Variants in ZEB1 observed in about 807,000 individuals in gnomAD.
The protein encoded by ZEB1 is zinc finger E-box-binding homeobox 1.
In ZEB1, 21 loss-of-function variants were observed where a neutral mutation model predicts 84.9. That is an observed-to-expected ratio of 0.25 (90% CI 0.18 to 0.36). ZEB1 has a LOEUF of 0.36. ZEB1 is among the 10% of genes least tolerant of loss of function. ZEB1 has a pLI of 1.00. For missense variants in ZEB1, 1,104 were observed against 1,330.2 expected (o/e 0.83, Z 2.65); for synonymous variants, 420 against 471.1 (o/e 0.89, Z 1.41).
At chr10:31,379,283 A>G (rs1202691073) in intron 1 of ZEB1, among the ~76,000 whole-genome samples, 1 of 152,030 alleles carries the variant, frequency 6.6e-6, no homozygotes, top group Non-Finnish European at 1.5e-5. Context: ...CCTACTTTGT[A>G]CTGGTTCAGT....
intron 2 of ZEB1, among the ~76,000 whole-genome samples, chr10:31,476,805 A>G (rs1006272015): frequency 6.6e-6 from 1 of 152,098 alleles, no homozygotes; most frequent in Non-Finnish European, 1.5e-5. Context: ...AAAAAGAAAA[A>G]CGATATGATC....
chr10:31,512,948 C>T (rs868059780), intron 5 of ZEB1, among the ~76,000 whole-genome samples: 12 of 151,992 alleles, frequency 7.9e-5, no homozygotes, highest in South Asian at 2.1e-4. Flanking sequence ...CAGCAGAGGC[C>T]AGTGTGAAAG....
intron 1 of ZEB1, among the ~76,000 whole-genome samples, chr10:31,454,211 C>G (rs1038470670): frequency 6.6e-6 from 1 of 152,118 alleles, no homozygotes; most frequent in Non-Finnish European, 1.5e-5. Flanking sequence ...ATTCAACACC[C>G]CTTCATGCTA....
intron 1 of ZEB1, among the ~76,000 whole-genome samples, chr10:31,455,249 T>C (rs766020668): frequency 6.6e-6 from 1 of 152,108 alleles, no homozygotes; most frequent in Admixed American, 6.5e-5. Flanking sequence ...TTACACTTTA[T>C]ACAAAAATCA....
intron 1 of ZEB1, among the ~76,000 whole-genome samples, chr10:31,362,590 G>A (rs1358733216): frequency 2.9e-5 from 4 of 140,254 alleles, no homozygotes; most frequent in South Asian, 4.7e-4. Flanking sequence ...GGCTCTTGTC[G>A]CTTCCCAGAC....
chr10:31,436,378 AC>A (rs1464823003), intron 1 of ZEB1, among the ~76,000 whole-genome samples: 1 of 152,074 alleles, frequency 6.6e-6, no homozygotes, highest in Non-Finnish European at 1.5e-5. Flanking sequence ...TTCATTGGGA[AC>A]CACACTTTTA....
chr10:31,481,700 A>G (rs1253000803), intron 2 of ZEB1, among the ~76,000 whole-genome samples: 1 of 152,022 alleles, frequency 6.6e-6, no homozygotes, highest in Non-Finnish European at 1.5e-5. Flanking sequence ...GAGCATGTCA[A>G]AAAAACACAG....
At chr10:31,439,812 A>C (rs1464016498) in intron 1 of ZEB1, among the ~76,000 whole-genome samples, 2 of 152,134 alleles carry the variant, frequency 1.3e-5, no homozygotes, top group African/African-American at 4.8e-5. Flanking sequence ...AGCCGGGGTA[A>C]AGTAGAAGAC....
chr10:31,463,507 G>A (rs1348210650), intron 2 of ZEB1, among the ~76,000 whole-genome samples: 1 of 152,134 alleles, frequency 6.6e-6, no homozygotes, highest in East Asian at 1.9e-4. Flanking sequence ...GCTTCTGAGA[G>A]GAAACAAAGC....
At chr10:31,448,717 G>A (rs1338846861) in intron 1 of ZEB1, among the ~76,000 whole-genome samples, 1 of 152,144 alleles carries the variant, frequency 6.6e-6, no homozygotes, top group African/African-American at 2.4e-5. Flanking sequence ...CTCCCAGTTA[G>A]GCTGCTAAGG....
chr10:31,457,046 T>C (rs553201244), intron 1 of ZEB1, among the ~76,000 whole-genome samples: 1 of 152,204 alleles, frequency 6.6e-6, no homozygotes, highest in Non-Finnish European at 1.5e-5. Flanking sequence ...TCTAAAGTCA[T>C]GTTTAAAGAT....
At chr10:31,410,272 C>T (rs1403025475) in intron 1 of ZEB1, among the ~76,000 whole-genome samples, 3 of 151,762 alleles carry the variant, frequency 2.0e-5, no homozygotes, top group Non-Finnish European at 2.9e-5. Flanking sequence ...ATAATTATGT[C>T]GTTTTTGTCA....
intron 1 of ZEB1, among the ~76,000 whole-genome samples, chr10:31,337,878 T>C (rs1369919884): frequency 6.6e-6 from 1 of 152,056 alleles, no homozygotes; most frequent in African/African-American, 2.4e-5. Flanking sequence ...GAGACAGGGT[T>C]TCACCATCTT....
At chr10:31,442,674 A>T (rs1048842407) in intron 1 of ZEB1, among the ~76,000 whole-genome samples, 2 of 152,188 alleles carry the variant, frequency 1.3e-5, no homozygotes, top group African/African-American at 4.8e-5. Flanking sequence ...ATTTAGAGCC[A>T]TGAAACAGAT....
chr10:31,328,821 A>T (rs1161899265), intron 1 of ZEB1, among the ~76,000 whole-genome samples: 1 of 152,134 alleles, frequency 6.6e-6, no homozygotes. Flanking sequence ...AAAGAACTCA[A>T]GTCCAAGGAA....
At chr10:31,500,785 A>G (rs1341132533) in intron 3 of ZEB1, among the ~76,000 whole-genome samples, 3 of 152,162 alleles carry the variant, frequency 2.0e-5, no homozygotes, top group Non-Finnish European at 4.4e-5. Context: ...TTTACATGGA[A>G]GCTGAGGATC....
At chr10:31,396,751 G>A (rs1468000861) in intron 1 of ZEB1, among the ~76,000 whole-genome samples, 1 of 152,168 alleles carries the variant, frequency 6.6e-6, no homozygotes, top group African/African-American at 2.4e-5. Flanking sequence ...TGATAATTAT[G>A]TAGGGTTTTA....
chr10:31,470,435 A>G (rs1286544800), intron 2 of ZEB1, among the ~76,000 whole-genome samples: 1 of 151,062 alleles, frequency 6.6e-6, no homozygotes, highest in Non-Finnish European at 1.5e-5. Flanking sequence ...TCAGGAGCCA[A>G]TGCGATCAAC....
chr10:31,442,186 A>C (rs2059092963), intron 1 of ZEB1, among the ~76,000 whole-genome samples: 1 of 152,258 alleles, frequency 6.6e-6, no homozygotes, highest in Non-Finnish European at 1.5e-5. Context: ...AGACTGGTTT[A>C]AGAAAAGGTG....
Sources: gnomAD v4.1 joint callset for allele counts (sites outside exome capture counted in the v4.1 genomes callset) on GRCh38, gnomAD v4.1.1 for gene constraint, MANE v1.5 for transcripts, NCBI Gene and HGNC (gene_info 2026-07-23, HGNC 2026-07-21) for gene names.